HEATR4: variants seen among roughly 807,000 people sequenced by gnomAD.
The protein encoded by HEATR4 is HEAT repeat containing 4.
HEATR4 carries 95 observed loss-of-function variants against 108.8 expected under a neutral mutation model. The ratio of observed to expected loss-of-function variants is 0.87; its 90% CI spans 0.74 to 1.04. HEATR4 has a LOEUF of 1.04. HEATR4 is among the 50% of genes least tolerant of loss of function. The pLI, the probability that HEATR4 is intolerant of heterozygous loss-of-function variation, is 0.00. For missense variants in HEATR4, 1,152 were observed against 1,253.8 expected (o/e 0.92, Z 1.23); for synonymous variants, 443 against 459.4 (o/e 0.96, Z 0.46).
chr14:73,530,778 C>T (rs1348178369), intron 1 of HEATR4, among the ~76,000 whole-genome samples: 6 of 110,152 alleles, frequency 5.4e-5, no homozygotes, highest in Admixed American at 2.1e-4. Flanking sequence ...GCACATAGCA[C>T]ACCACTCTCG....
the HEATR4 span, among the ~76,000 whole-genome samples, chr14:73,567,357 T>G: frequency 6.6e-6 from 1 of 152,132 alleles, no homozygotes; most frequent in Non-Finnish European, 1.5e-5. Context: ...ACCGCTGGGC[T>G]TCTGGGTTGG....
At chr14:73,506,893 C>T (rs542800338) in intron 9 of HEATR4, among the ~76,000 whole-genome samples, 9 of 148,022 alleles carry the variant, frequency 6.1e-5, no homozygotes, top group Admixed American at 1.4e-4. Context: ...CTCCGCCTCT[C>T]GGGTTCAAGT....
At chr14:73,491,488 C>T (rs1885736120) in intron 17 of HEATR4, 3 of 1,502,258 alleles carry the variant, frequency 2.0e-6, no homozygotes, top group Non-Finnish European at 1.8e-6. Flanking sequence ...ACTTAGCGGC[C>T]GTCCAGTCGT....
At chr14:73,506,615 A>G (rs144326822) in intron 9 of HEATR4, 44 bp from the exon 10 acceptor site, 192 of 1,409,236 alleles carry the variant, frequency 1.4e-4, no homozygotes, top group African/African-American at 1.1e-3. Flanking sequence ...AATCACTTTT[A>G]GAGATACTAG....
intron 15 of HEATR4, among the ~76,000 whole-genome samples, chr14:73,496,268 C>A (rs559826974): frequency 8.6e-5 from 13 of 151,872 alleles, no homozygotes; most frequent in Non-Finnish European, 1.6e-4. Flanking sequence ...CTTCTCTATG[C>A]CTATTTGAAA....
chr14:73,599,573 A>G, the HEATR4 span, among the ~76,000 whole-genome samples: 3 of 152,102 alleles, frequency 2.0e-5, no homozygotes, highest in Non-Finnish European at 4.4e-5. Context: ...TGAGTTCCCA[A>G]TTGACAGCCA....
the HEATR4 span, chr14:73,595,059 C>A: frequency 4.3e-6 from 7 of 1,613,496 alleles, no homozygotes; most frequent in Non-Finnish European, 5.9e-6. Flanking sequence ...GTAAAAGGCC[C>A]AGGCATTGGG....
At chr14:73,514,370 A>C in intron 5 of HEATR4, 136 bp from the exon 6 acceptor site, 1 of 704,708 alleles carries the variant, frequency 1.4e-6, no homozygotes. Context: ...GAATTTCCCC[A>C]TGATTATATG....
chr14:73,592,561 G>C, the HEATR4 span: 20 of 1,067,702 alleles, frequency 1.9e-5, no homozygotes, highest in African/African-American at 2.8e-4. Flanking sequence ...TACCAAAATA[G>C]AGGGTTTGGT....
chr14:73,591,524 CAG>C, the HEATR4 span, among the ~76,000 whole-genome samples: 2 of 150,566 alleles, frequency 1.3e-5, no homozygotes, highest in African/African-American at 4.9e-5. Flanking sequence ...GCCTGGGCGA[CAG>C]AGGAGACTCT....
chr14:73,573,004 A>G, the HEATR4 span, among the ~76,000 whole-genome samples: 3 of 151,502 alleles, frequency 2.0e-5, no homozygotes, highest in East Asian at 3.8e-4. Context: ...AATGATAAAA[A>G]TATCAGTAAG....
intron 17 of HEATR4, among the ~76,000 whole-genome samples, chr14:73,479,529 C>G (rs911600456): frequency 6.6e-6 from 1 of 151,286 alleles, no homozygotes; most frequent in Non-Finnish European, 1.5e-5. Flanking sequence ...ACCTCTGCCC[C>G]CAGAGTTCAA....
At position 73,499,076 on chromosome 14, in the gene HEATR4, A is replaced by T; in HGVS notation, c.2351T>A (p.Ile784Asn). The change falls in exon 13 of 18, where the codon ATT (isoleucine) becomes AAT (asparagine). Residue 784 changes from isoleucine (I) to asparagine (N), a missense_variant. By Grantham distance (149) the Ile-to-Asn change is moderately radical (BLOSUM62 -3). Transcript: ENST00000553558. ...DPYWKIKAFA[I>N]RALGQIGQVS... The stretch of plus-strand genomic sequence containing the variant: ...GGGCACTACTTCTATAATACCTCGA[A>T]TGGCAAAGGCCTTGATTTTCCAGTA... 1 of 1,613,982 alleles carries T rather than the reference A, an allele frequency of 6.2e-7. No individual in the cohort carries two copies. The highest frequency in any genetic ancestry group is 8.5e-7 in the Non-Finnish European group (1 of 1,179,840).
At chr14:73,600,968 C>G in the HEATR4 span, among the ~76,000 whole-genome samples, 1 of 151,358 alleles carries the variant, frequency 6.6e-6, no homozygotes, top group African/African-American at 2.4e-5. Context: ...TGGCGAAACC[C>G]CATCTCTACT....
chr14:73,508,075 T>A (rs1886964026), intron 9 of HEATR4, 59 bp downstream of exon 9: 1 of 1,500,058 alleles, frequency 6.7e-7, no homozygotes, highest in African/African-American at 1.4e-5. Flanking sequence ...TTACATTCAC[T>A]GACCTCAAAG....
the HEATR4 span, among the ~76,000 whole-genome samples, chr14:73,594,323 T>TA: frequency 6.6e-6 from 1 of 152,176 alleles, no homozygotes; most frequent in African/African-American, 2.4e-5. Context: ...GCAAATGATC[T>TA]GATGAATGAT....
the HEATR4 span, among the ~76,000 whole-genome samples, chr14:73,605,367 T>G: frequency 7.2e-5 from 11 of 152,182 alleles, no homozygotes; most frequent in African/African-American, 2.7e-4. Flanking sequence ...CAAGCTGTCC[T>G]TGTTCATTCC....
At chr14:73,566,531 G>A in the HEATR4 span, among the ~76,000 whole-genome samples, 162 of 152,278 alleles carry the variant, frequency 1.1e-3, 2 homozygotes, top group African/African-American at 3.6e-3. Flanking sequence ...CCAGTGGGCC[G>A]GCACTGCTGG....
chr14:73,498,110 T>C, intron 14 of HEATR4, 45 bp downstream of exon 14: 1 of 1,528,562 alleles, frequency 6.5e-7, no homozygotes, highest in Non-Finnish European at 8.9e-7. Flanking sequence ...GATGTGAGAG[T>C]TGGCAGTATA....
Sources: allele counts gnomAD v4.1 joint callset (sites outside exome capture counted in the v4.1 genomes callset), GRCh38; gene constraint gnomAD v4.1.1; transcripts MANE v1.5; gene names NCBI Gene and HGNC (gene_info 2026-07-23, HGNC 2026-07-21).